The following RFX3 variants were observed in gnomAD, a reference collection of about 807,000 sequenced individuals.
RFX3 encodes the protein transcription factor RFX3.
In RFX3, 14 loss-of-function variants were observed where a neutral mutation model predicts 98.6. The observed-to-expected ratio is 0.14, with a 90% CI of 0.09 to 0.22. RFX3 has a LOEUF of 0.22. Among genes scored for constraint, RFX3 ranks in the 10% least tolerant of loss-of-function variants. RFX3 has a pLI of 1.00. For synonymous variants in RFX3, 383 were observed against 328.4 expected, an observed-to-expected ratio of 1.17 and a Z score of -1.80; for missense variants, 639 against 926.9, an observed-to-expected ratio of 0.69 and a Z score of 4.03.
intron 1 of RFX3, among the ~76,000 whole-genome samples, chr9:3,455,913 G>A (rs544691644): frequency 6.6e-6 from 1 of 152,296 alleles, no homozygotes; most frequent in African/African-American, 2.4e-5. Flanking sequence ...AGTTTGTGCT[G>A]ACAGAGCAAT....
chr9:3,374,233 G>A (rs1301963597), intron 2 of RFX3, among the ~76,000 whole-genome samples: 1 of 152,168 alleles, frequency 6.6e-6, no homozygotes, highest in African/African-American at 2.4e-5. Context: ...GTGGGGATGT[G>A]AAATGGTATA....
At chr9:3,322,726 C>G (rs898032307) in intron 4 of RFX3, among the ~76,000 whole-genome samples, 2 of 152,032 alleles carry the variant, frequency 1.3e-5, no homozygotes, top group Non-Finnish European at 2.9e-5. Flanking sequence ...GAGTGAGACT[C>G]CATCTCGAAA....
intron 1 of RFX3, chr9:3,420,720 T>C (rs1843371698): frequency 2.1e-5 from 19 of 909,518 alleles, no homozygotes; most frequent in Non-Finnish European, 2.4e-5. Context: ...GAATTATTTC[T>C]ATAAACCCCT....
At chr9:3,405,705 G>C (rs1841896618) in intron 1 of RFX3, among the ~76,000 whole-genome samples, 1 of 151,998 alleles carries the variant, frequency 6.6e-6, no homozygotes, top group Non-Finnish European at 1.5e-5. Context: ...AAATTACTGA[G>C]TCTGCTTCCT....
intron 4 of RFX3, among the ~76,000 whole-genome samples, chr9:3,325,040 G>C (rs1276025764): frequency 6.6e-6 from 1 of 152,052 alleles, no homozygotes; most frequent in Non-Finnish European, 1.5e-5. Context: ...GATGAGAATT[G>C]GGAAACGGGT....
At chr9:3,402,591 G>A (rs1002766600) in intron 1 of RFX3, among the ~76,000 whole-genome samples, 7 of 151,760 alleles carry the variant, frequency 4.6e-5, no homozygotes, top group African/African-American at 1.7e-4. Context: ...ATGTTTTGCA[G>A]GTGAAAATTA....
At chr9:3,509,080 A>C (rs1817411041) in intron 1 of RFX3, among the ~76,000 whole-genome samples, 1 of 151,832 alleles carries the variant, frequency 6.6e-6, no homozygotes, top group African/African-American at 2.4e-5. Flanking sequence ...AAACAACATA[A>C]CCTTCCAAAA....
At chr9:3,339,679 C>G (rs557893922) in intron 3 of RFX3, among the ~76,000 whole-genome samples, 50 of 152,200 alleles carry the variant, frequency 3.3e-4, no homozygotes, top group Non-Finnish European at 2.1e-4. Flanking sequence ...AGGTCCCCGC[C>G]CACATGAAGC....
intron 15 of RFX3, among the ~76,000 whole-genome samples, chr9:3,239,503 G>A (rs1457949171): frequency 6.6e-6 from 1 of 152,232 alleles, no homozygotes; most frequent in Admixed American, 6.5e-5. Flanking sequence ...AGGGCAGCAT[G>A]ATTCTAACTG....
At chr9:3,356,169 G>GAAGGAAGA (rs1835734049) in intron 2 of RFX3, among the ~76,000 whole-genome samples, 1 of 144,140 alleles carries the variant, frequency 6.9e-6, no homozygotes, top group Non-Finnish European at 1.5e-5. Flanking sequence ...AGGAAGGAAG[G>GAAGGAAGA]AAGGAAGGAA....
chr9:3,417,054 T>C (rs1420692172), intron 1 of RFX3, among the ~76,000 whole-genome samples: 1 of 151,868 alleles, frequency 6.6e-6, no homozygotes. Flanking sequence ...TAATGCTATA[T>C]TAATATCAAA....
Position 3,283,526 on chromosome 9 carries a change from A to G in RFX3, c.851+4605T>C, listed in dbSNP as rs545304830. ...AATATAGGGTTCGTTTAACTAGTCT[A>G]TGAACCCTATATTAAGAAAGGCCAT... is the stretch of plus-strand genomic sequence containing the variant. On this transcript the variant is annotated intron_variant, in intron 7 of 16. Transcript: ENST00000617270. Among the ~76,000 whole-genome samples, 3 of 151,864 alleles carry G rather than the reference A, an allele frequency of 2.0e-5. No homozygotes were observed. In the South Asian group the frequency reaches 6.2e-4, roughly 32 times the overall value.
At chr9:3,440,524 T>C (rs1845523413) in intron 1 of RFX3, among the ~76,000 whole-genome samples, 1 of 152,026 alleles carries the variant, frequency 6.6e-6, no homozygotes, top group Non-Finnish European at 1.5e-5. Context: ...TAGGAATAAA[T>C]CTGACAAAAG....
At chr9:3,522,546 AGTGTGTGTGC>A (rs1367980033) in intron 1 of RFX3, among the ~76,000 whole-genome samples, 1 of 142,266 alleles carries the variant, frequency 7.0e-6, no homozygotes, top group Non-Finnish European at 1.5e-5. Flanking sequence ...GTTCTGGAAA[AGTGTGTGTGC>A]GTGTGTGTGT....
intron 9 of RFX3, 71 bp from the exon 10 acceptor site, chr9:3,271,189 T>C (rs1430669851): frequency 7.5e-7 from 1 of 1,331,120 alleles, no homozygotes; most frequent in African/African-American, 1.4e-5. Flanking sequence ...CAGTCTAACA[T>C]GACAAGATTT....
At chr9:3,417,733 G>A (rs948315465) in intron 1 of RFX3, among the ~76,000 whole-genome samples, 1 of 152,042 alleles carries the variant, frequency 6.6e-6, no homozygotes, top group Non-Finnish European at 1.5e-5. Context: ...AACAATTTCA[G>A]AATTAGGATT....
At chr9:3,391,831 A>C (rs1270279184) in intron 2 of RFX3, among the ~76,000 whole-genome samples, 4 of 152,218 alleles carry the variant, frequency 2.6e-5, no homozygotes, top group Middle Eastern at 3.2e-3. Context: ...CCTACGCAGT[A>C]AGGTAACTGG....
intron 1 of RFX3, among the ~76,000 whole-genome samples, chr9:3,516,707 G>A (rs544118398): frequency 1.5e-4 from 23 of 152,034 alleles, no homozygotes; most frequent in African/African-American, 5.6e-4. Context: ...GAGCACACAT[G>A]CACTAGCTCG....
chr9:3,344,044 C>T (rs887780202), intron 3 of RFX3, among the ~76,000 whole-genome samples: 1 of 152,160 alleles, frequency 6.6e-6, no homozygotes, highest in African/African-American at 2.4e-5. Context: ...TGAATGAATT[C>T]ATTCAACTCA....
Sources: gnomAD v4.1 joint callset for allele counts (sites outside exome capture counted in the v4.1 genomes callset) on GRCh38, gnomAD v4.1.1 for gene constraint, MANE v1.5 for transcripts, NCBI Gene and HGNC (gene_info 2026-07-23, HGNC 2026-07-21) for gene names.